Variants in HS3ST5 observed in about 807,000 individuals in gnomAD.
The protein encoded by HS3ST5 is heparan sulfate-glucosamine 3-sulfotransferase 5.
HS3ST5 carries 10 observed loss-of-function variants against 25.4 expected under a neutral mutation model. The observed-to-expected ratio is 0.39, with a 90% confidence interval of 0.24 to 0.67. The LOEUF (loss-of-function observed/expected upper bound fraction) is 0.67. Among genes scored for constraint, HS3ST5 ranks in the 30% least tolerant of loss-of-function variants. The pLI is 0.44. For synonymous variants in HS3ST5, 170 were observed against 162.4 expected (o/e 1.05, Z -0.36); for missense variants, 324 against 420.7 (o/e 0.77, Z 2.01).
chr6:114,164,515 C>A (rs1209341151), intron 3 of HS3ST5, among the ~76,000 whole-genome samples: 4 of 152,162 alleles, frequency 2.6e-5, no homozygotes, highest in Non-Finnish European at 5.9e-5. Context: ...TCCATCTCAG[C>A]AGTATATCTT....
At chr6:114,218,252 C>T (rs939305290) in intron 2 of HS3ST5, among the ~76,000 whole-genome samples, 2 of 152,200 alleles carry the variant, frequency 1.3e-5, no homozygotes, top group African/African-American at 4.8e-5. Context: ...TCCACCTTGG[C>T]CTCCCAAAGT....
chr6:114,193,091 G>T (rs1384957539), intron 2 of HS3ST5, among the ~76,000 whole-genome samples: 1 of 152,052 alleles, frequency 6.6e-6, no homozygotes, highest in Non-Finnish European at 1.5e-5. Flanking sequence ...ATCAAACCAG[G>T]ACTAAGTGGT....
intron 3 of HS3ST5, among the ~76,000 whole-genome samples, chr6:114,134,887 A>C (rs1186047847): frequency 6.6e-6 from 1 of 152,202 alleles, no homozygotes; most frequent in Admixed American, 6.5e-5. Context: ...AGTGATCTTA[A>C]GCCCACGTTA....
chr6:114,341,222 G>GGGGA lies in HS3ST5; in HGVS notation c.-339+972_-339+973insTCCC, dbSNP rs1776839835. On this transcript the variant is annotated intron_variant, in intron 1 of 4. Transcript: ENST00000312719. ...AGGGAGAGGGAATAGGGAGAGAGGG[G>GGGGA]GAGAGAGAGAGAGAGAGAGAGAGAG... is the stretch of plus-strand genomic sequence containing the variant. Among the ~76,000 whole-genome samples the GGGGA allele has an allele frequency of 1.1e-4, 5 of 46,602 alleles. 1 individual carries two copies. Among genetic ancestry groups the GGGGA allele is most frequent in the Non-Finnish European group, 1.5e-4 (4 of 27,400 alleles). 30.6% of individuals were successfully genotyped at this position (46,602 alleles called of 152,430 possible).
intron 2 of HS3ST5, among the ~76,000 whole-genome samples, chr6:114,207,410 T>A (rs1262332313): frequency 6.6e-6 from 1 of 152,144 alleles, no homozygotes; most frequent in East Asian, 1.9e-4. Context: ...CCAGTTGATA[T>A]TGAAACAAAA....
chr6:114,100,734 C>T (rs1398803780), intron 3 of HS3ST5, among the ~76,000 whole-genome samples: 1 of 152,134 alleles, frequency 6.6e-6, no homozygotes, highest in Non-Finnish European at 1.5e-5. Context: ...AAGAAGGTGA[C>T]AGTTGTTCTA....
intron 1 of HS3ST5, chr6:114,235,690 T>G (rs990954111): frequency 1.3e-5 from 2 of 152,260 alleles, no homozygotes; most frequent in African/African-American, 4.8e-5. Context: ...GAACGTGGTT[T>G]GAACACCACC....
In HS3ST5 at chr6:114,304,742, C is replaced by T. The variant is rs145778320; in HGVS notation, c.-339+37453G>A. On this transcript the variant is annotated intron_variant, in intron 1 of 4. Transcript: ENST00000312719. ...TGTTATGAAAAATAACTGTCCTTTC[C>T]AAGCAAACAAAAACTGCAAGAAGAG... Among the ~76,000 whole-genome samples the T allele has an allele frequency of 1.7e-3, 253 of 152,042 alleles. 1 individual carries two copies. Among genetic ancestry groups the T allele is most frequent in the Admixed American group, 4.5e-3 (68 of 15,266 alleles).
At chr6:114,186,187 A>G (rs1182866742) in intron 2 of HS3ST5, among the ~76,000 whole-genome samples, 2 of 152,072 alleles carry the variant, frequency 1.3e-5, no homozygotes, top group Non-Finnish European at 2.9e-5. Context: ...TGAAAGAGTC[A>G]TATCTTTCAC....
Position 114,195,398 on chromosome 6 carries a change from A to G in HS3ST5, c.-144-26936T>C, listed in dbSNP as rs117559829. 2.2e-3 allele frequency among the ~76,000 whole-genome samples: 333 copies of G among 152,288 alleles called. 1 individual carries two copies. Among genetic ancestry groups the G allele is most frequent in the Non-Finnish European group, 3.8e-3 (261 of 68,010 alleles). ...AGACCCACTGCCCATGTCACTAAGC[A>G]GGTAAATGTGTGCATTCAGCTGTTG... On this transcript the variant is annotated intron_variant, in intron 2 of 4. Coordinates refer to ENST00000312719, the MANE Select transcript of HS3ST5 (RefSeq NM_153612.4).
chr6:114,328,535 T>G (rs1444776433), intron 1 of HS3ST5, among the ~76,000 whole-genome samples: 1 of 152,212 alleles, frequency 6.6e-6, no homozygotes, highest in Non-Finnish European at 1.5e-5. Flanking sequence ...AGCTACTGTC[T>G]TTCTTTCTTT....
intron 1 of HS3ST5, among the ~76,000 whole-genome samples, chr6:114,250,266 A>G (rs1252465982): frequency 6.6e-6 from 1 of 152,210 alleles, no homozygotes; most frequent in Non-Finnish European, 1.5e-5. Context: ...TTCATTGACT[A>G]GAATATGAAA....
intron 1 of HS3ST5, among the ~76,000 whole-genome samples, chr6:114,229,259 C>A (rs1362026350): frequency 6.6e-6 from 1 of 152,096 alleles, no homozygotes; most frequent in Non-Finnish European, 1.5e-5. Flanking sequence ...AGAAAATATT[C>A]TTTTTAGTCA....
At chr6:114,116,643 C>T (rs544729397) in intron 3 of HS3ST5, among the ~76,000 whole-genome samples, 1 of 152,182 alleles carries the variant, frequency 6.6e-6, no homozygotes, top group South Asian at 2.1e-4. Flanking sequence ...CCCTTGCTTA[C>T]CTTTTACTTT....
chr6:114,213,674 T>C (rs1284103524), intron 2 of HS3ST5, among the ~76,000 whole-genome samples: 1 of 152,146 alleles, frequency 6.6e-6, no homozygotes, highest in Non-Finnish European at 1.5e-5. Flanking sequence ...CCCAGTTTTA[T>C]CATACTCATC....
intron 3 of HS3ST5, among the ~76,000 whole-genome samples, chr6:114,160,340 A>G (rs1449468096): frequency 6.6e-6 from 1 of 152,150 alleles, no homozygotes; most frequent in Non-Finnish European, 1.5e-5. Flanking sequence ...AAAAATCTCT[A>G]TCAAAGTGCT....
rs932481026 is a variant in HS3ST5, at chr6:114,056,423, C to T, written c.*834G>A. ...CCATTTTGGAAGCCAGCAGGGGGCA[C>T]GTAAAACAAAATGAGTAAAAAAAAA... is the stretch of plus-strand genomic sequence containing the variant. On this transcript the variant is annotated 3_prime_UTR_variant, in exon 5 of 5. Transcript: ENST00000312719. 2 of 145,004 alleles carry T rather than the reference C, an allele frequency of 1.4e-5. No individual in the cohort carries two copies. The highest frequency in any genetic ancestry group is 1.5e-5 in the Non-Finnish European group (1 of 66,498). The allele number at this position is 145,004 out of a possible 1,614,324, so 9.0% of individuals were successfully genotyped here.
chr6:114,146,789 C>T (rs1477753954), intron 3 of HS3ST5, among the ~76,000 whole-genome samples: 1 of 152,172 alleles, frequency 6.6e-6, no homozygotes, highest in African/African-American at 2.4e-5. Flanking sequence ...CCCCCATTCC[C>T]TCACTCCTGC....
chr6:114,103,742 A>G (rs1582603716), intron 3 of HS3ST5, among the ~76,000 whole-genome samples: 1 of 133,748 alleles, frequency 7.5e-6, no homozygotes. Flanking sequence ...TCTGTCTCCC[A>G]GGCTGGAGTG....
Sources: allele counts gnomAD v4.1 joint callset (sites outside exome capture counted in the v4.1 genomes callset), GRCh38; gene constraint gnomAD v4.1.1; transcripts MANE v1.5; gene names NCBI Gene and HGNC (gene_info 2026-07-23, HGNC 2026-07-21).